Variants in COL4A2 observed in about 807,000 individuals in gnomAD.
The protein encoded by COL4A2 is collagen type IV alpha 2 chain.
In COL4A2, 99 loss-of-function variants were observed where a neutral mutation model predicts 200.2. The ratio of observed to expected loss-of-function variants is 0.49; its 90% CI spans 0.42 to 0.58. COL4A2 has a LOEUF of 0.58. COL4A2 is among the 20% of genes least tolerant of loss of function. The probability of loss-of-function intolerance (pLI) is 0.00; values close to 1 mark genes in which losing one functional copy is unlikely to be tolerated. For missense variants in COL4A2, 1,950 were observed against 2,314.1 expected, an observed-to-expected ratio of 0.84 and a Z score of 3.23; for synonymous variants, 897 against 900.6, an observed-to-expected ratio of 1.00 and a Z score of 0.07.
At chr13:110,401,618 T>C (rs1879373373) in intron 4 of COL4A2, among the ~76,000 whole-genome samples, 1 of 152,248 alleles carries the variant, frequency 6.6e-6, no homozygotes, top group Admixed American at 6.5e-5. Context: ...CAGCGCAAGA[T>C]AAGTTAACCA....
In COL4A2 at chr13:110,478,136, G is replaced by A. The variant is rs1334722306; in HGVS notation, c.2559G>A (p.Leu853=). Residue 853 remains leucine (L), a synonymous_variant, in exon 30 of 48, where the codon TTG becomes TTA. Coordinates refer to ENST00000360467, the MANE Select transcript of COL4A2 (RefSeq NM_001846.4). ...FPGAPGQEGP[L]GLPGIPGREG... is the part of the protein sequence containing the mutation. ...GAGCTCCTGGCCAAGAGGGGCCCTT[G>A]GGGCTGCCAGGAATCCCAGGCCGTG... 1.3e-6 allele frequency: 2 copies of A among 1,598,046 alleles called. No individual in the cohort carries two copies. The highest frequency in any genetic ancestry group is 1.7e-6 in the Non-Finnish European group (2 of 1,171,434).
intron 15 of COL4A2, 103 bp downstream of exon 15, chr13:110,438,771 A>G: frequency 2.8e-6 from 4 of 1,450,268 alleles, no homozygotes; most frequent in Non-Finnish European, 2.9e-6. Context: ...AATTTAGCAG[A>G]AAGTATAGAG....
intron 22 of COL4A2, among the ~76,000 whole-genome samples, chr13:110,460,903 C>T (rs1882000735): frequency 6.6e-6 from 1 of 152,150 alleles, no homozygotes; most frequent in Admixed American, 6.5e-5. Context: ...TGTTGCAAAG[C>T]ACTAAATAAA....
At chr13:110,324,566 G>A (rs1365396248) in intron 3 of COL4A2, among the ~76,000 whole-genome samples, 1 of 152,214 alleles carries the variant, frequency 6.6e-6, no homozygotes, top group Non-Finnish European at 1.5e-5. Flanking sequence ...GAGCAGCACT[G>A]CCCGAACGGA....
chr13:110,504,042 G>A, intron 44 of COL4A2, 49 bp downstream of exon 44: 7 of 1,551,478 alleles, frequency 4.5e-6, no homozygotes, highest in Non-Finnish European at 6.2e-6. Context: ...GCCCGGGCAA[G>A]GCCAGGGCCT....
At chr13:110,510,390 G>A (rs1265426803) in intron 47 of COL4A2, among the ~76,000 whole-genome samples, 11 of 152,226 alleles carry the variant, frequency 7.2e-5, no homozygotes, top group Non-Finnish European at 1.2e-4. Context: ...CTAGCCAGCC[G>A]TTATTTTAGT....
chr13:110,396,189 G>T (rs551908570), intron 4 of COL4A2, among the ~76,000 whole-genome samples: 1 of 152,246 alleles, frequency 6.6e-6, no homozygotes, highest in African/African-American at 2.4e-5. Context: ...TTAACATCTT[G>T]TATTAGCGTG....
Position 110,473,458 on chromosome 13 carries a change from T to C in COL4A2, c.2425+308T>C, listed in dbSNP as rs1882561340. 3.7e-5 allele frequency: 13 copies of C among 352,272 alleles called. No homozygotes were observed. In the South Asian group the frequency reaches 8.2e-4, roughly 22 times the overall value. 21.8% of individuals were successfully genotyped at this position (352,272 alleles called of 1,614,324 possible). On this transcript the variant is annotated intron_variant, in intron 29 of 47. Transcript: ENST00000360467. ...GGGGCCGTGACAGGCTCACTGTTTG[T>C]CTTGGCAGAATCTGTACAGGTGGTA...
intron 4 of COL4A2, among the ~76,000 whole-genome samples, chr13:110,374,168 T>C (rs1878137300): frequency 6.6e-6 from 1 of 152,198 alleles, no homozygotes; most frequent in Admixed American, 6.5e-5. Context: ...CAGCTTACGG[T>C]GGTCCCGGGG....
At chr13:110,326,437 T>G (rs1224898199) in intron 3 of COL4A2, among the ~76,000 whole-genome samples, 1 of 152,190 alleles carries the variant, frequency 6.6e-6, no homozygotes, top group Non-Finnish European at 1.5e-5. Context: ...GCTGCCAGCC[T>G]TCTGCTCCCC....
intron 41 of COL4A2, 136 bp downstream of exon 41, chr13:110,501,920 A>T (rs1272877686): frequency 1.2e-6 from 1 of 835,890 alleles, no homozygotes; most frequent in Non-Finnish European, 1.9e-6. Flanking sequence ...AGGAGCCATG[A>T]TGGCTCCTCC....
chr13:110,337,591 G>T (rs146675378), intron 3 of COL4A2, among the ~76,000 whole-genome samples: 196 of 152,324 alleles, frequency 1.3e-3, no homozygotes, highest in African/African-American at 4.4e-3. Flanking sequence ...ATGGCCCATG[G>T]TGTCCAGACT....
chr13:110,312,827 G>T (rs530867022), intron 3 of COL4A2, among the ~76,000 whole-genome samples: 1 of 152,202 alleles, frequency 6.6e-6, no homozygotes, highest in Non-Finnish European at 1.5e-5. Context: ...GTTGCTAACC[G>T]GGTTCTGACT....
rs1490811564 is a variant in COL4A2, at chr13:110,501,740, G to A, written c.3833G>A (p.Gly1278Glu). The stretch of plus-strand genomic sequence containing the variant: ...ATCACACCCCCTTCCAACATCTCTG[G>A]GGCACCTGGTGACAAAGGGGCGCCA... ...PGITPPSNIS[G>E]APGDKGAPGI... The change falls in exon 41 of 48, where the codon GGG becomes GAG. Residue 1278 changes from glycine to glutamate, a missense_variant. Around this residue, in one of 2 missense-constraint regions of COL4A2, gnomAD observed 1,385 missense variants for 1,720.5 expected, o/e 0.80. Coordinates refer to ENST00000360467, the MANE Select transcript of COL4A2 (RefSeq NM_001846.4). The A allele has an allele frequency of 6.2e-7, 1 of 1,613,662 alleles. No individual in the cohort carries two copies. Among genetic ancestry groups the A allele is most frequent in the South Asian group, 1.1e-5 (1 of 91,048 alleles).
At position 110,512,123 on chromosome 13, in the gene COL4A2, G is replaced by A. The variant is rs751211461; in HGVS notation, c.5071G>A (p.Asp1691Asn). The change falls in exon 48 of 48, where the codon GAC (aspartate) becomes AAC (asparagine). Residue 1691 changes from aspartate (D) to asparagine (N), a missense_variant. Around this residue, in one of 2 missense-constraint regions of COL4A2, gnomAD observed 1,385 missense variants for 1,720.5 expected, o/e 0.80. Coordinates refer to ENST00000360467, the MANE Select transcript of COL4A2 (RefSeq NM_001846.4). ...GAGCTTCCAGGGCTCGCCCTCCGCC[G>A]ACACGCTCAAGGCCGGCCTCATCCG... ...EQSFQGSPSA[D>N]TLKAGLIRTH... 6.8e-6 allele frequency: 11 copies of A among 1,613,354 alleles called. No homozygotes were observed. Among genetic ancestry groups the A allele is most frequent in the East Asian group, 2.2e-5 (1 of 44,902 alleles).
rs111836524 is a variant in COL4A2 at position 110,453,299 on chromosome 13, C to T, written c.1339+2845C>T. Reference sequence around the variant, plus strand: ...GGCCGATCACCTGAGGTCGGGAGTTCGAGACCAGCCTGACCAACATGGTGA... The same window carrying T: ...GGCCGATCACCTGAGGTCGGGAGTTTGAGACCAGCCTGACCAACATGGTGA... On this transcript the variant is annotated intron_variant, in intron 20 of 47. Transcript: ENST00000360467. Among the ~76,000 whole-genome samples the T allele has an allele frequency of 9.3e-4, 141 of 152,050 alleles. 1 individual carries two copies. The highest frequency in any genetic ancestry group is 3.3e-3 in the African/African-American group (136 of 41,496).
intron 22 of COL4A2, among the ~76,000 whole-genome samples, chr13:110,461,145 T>G (rs1427239102): frequency 2.0e-5 from 3 of 152,258 alleles, no homozygotes; most frequent in African/African-American, 7.2e-5. Context: ...TGCAGGCAGC[T>G]TCTCTCTAAA....
intron 4 of COL4A2, among the ~76,000 whole-genome samples, chr13:110,381,923 T>C (rs1334881030): frequency 6.6e-6 from 1 of 152,208 alleles, no homozygotes; most frequent in African/African-American, 2.4e-5. Context: ...CTGGATTTCA[T>C]TTTTTCTCTA....
intron 4 of COL4A2, among the ~76,000 whole-genome samples, chr13:110,389,272 G>A (rs141523046): frequency 1.9e-4 from 29 of 152,278 alleles, no homozygotes; most frequent in African/African-American, 6.7e-4. Flanking sequence ...AGTGCATCAT[G>A]TGGAGGACAT....
Sources: gnomAD v4.1 joint callset for allele counts (sites outside exome capture counted in the v4.1 genomes callset) on GRCh38, gnomAD v4.1.1 for gene constraint, gnomAD v4.1.1 regional missense constraint, MANE v1.5 for transcripts, NCBI Gene and HGNC (gene_info 2026-07-23, HGNC 2026-07-21) for gene names.